Variants in ADGRG6 observed in about 807,000 individuals in gnomAD.
ADGRG6 encodes adhesion G protein-coupled receptor G6.
Under a neutral mutation model 142.4 loss-of-function variants are expected in ADGRG6, and 84 were observed. The observed-to-expected ratio is 0.59, with a 90% CI of 0.49 to 0.71. The LOEUF (loss-of-function observed/expected upper bound fraction) is 0.71. Among genes scored for constraint, ADGRG6 ranks in the 30% least tolerant of loss-of-function variants. ADGRG6 has a pLI of 0.00. For missense variants in ADGRG6, 1,367 were observed against 1,466.6 expected, an observed-to-expected ratio of 0.93 and a Z score of 1.11; for synonymous variants, 521 against 520.5, an observed-to-expected ratio of 1.00 and a Z score of -0.01.
chr6:142,302,273 G>T lies in ADGRG6; in HGVS notation c.-57G>T. On this transcript the variant is annotated 5_prime_UTR_variant, in exon 1 of 25. Coordinates refer to ENST00000367609, the MANE Select transcript of ADGRG6 (RefSeq NM_198569.3). ...GGGTGGAGCAGCGGCAGCAGAGCGG[G>T]AAAGTGGTGGAGGATGATCTTGCGG... is the stretch of plus-strand genomic sequence containing the variant. The T allele has an allele frequency of 6.2e-7, 1 of 1,603,964 alleles. No homozygotes were observed. Among genetic ancestry groups the T allele is most frequent in the Non-Finnish European group, 8.5e-7 (1 of 1,174,518 alleles).
intron 2 of ADGRG6, among the ~76,000 whole-genome samples, chr6:142,349,061 G>C (rs1780037807): frequency 6.6e-6 from 1 of 152,218 alleles, no homozygotes; most frequent in Non-Finnish European, 1.5e-5. Context: ...ATCCAATCTA[G>C]TTAGGTGGTG....
intron 2 of ADGRG6, among the ~76,000 whole-genome samples, chr6:142,365,068 T>A (rs1039623954): frequency 6.6e-6 from 1 of 152,180 alleles, no homozygotes; most frequent in African/African-American, 2.4e-5. Flanking sequence ...TTCCTTTATA[T>A]TTTTATTTTT....
At chr6:142,372,248 A>T (rs975290495) in intron 4 of ADGRG6, among the ~76,000 whole-genome samples, 6 of 152,230 alleles carry the variant, frequency 3.9e-5, no homozygotes, top group Admixed American at 3.9e-4. Context: ...ATCAACTTTA[A>T]ATGTCATATG....
At chr6:142,354,635 T>A (rs948132987) in intron 2 of ADGRG6, among the ~76,000 whole-genome samples, 14 of 152,170 alleles carry the variant, frequency 9.2e-5, no homozygotes, top group African/African-American at 3.4e-4. Context: ...ATGACTTAGT[T>A]TTATAGAAAA....
intron 22 of ADGRG6, among the ~76,000 whole-genome samples, chr6:142,425,756 C>T (rs1000373724): frequency 1.3e-5 from 2 of 152,058 alleles, no homozygotes; most frequent in African/African-American, 4.8e-5. Flanking sequence ...GGGCAATTTA[C>T]AAAACAAAGA....
At chr6:142,428,686 G>A (rs1777071195) in intron 22 of ADGRG6, among the ~76,000 whole-genome samples, 2 of 152,064 alleles carry the variant, frequency 1.3e-5, no homozygotes, top group African/African-American at 4.8e-5. Context: ...ATTTATAAAA[G>A]CATTAAATCT....
intron 2 of ADGRG6, among the ~76,000 whole-genome samples, chr6:142,363,699 C>T (rs1395688412): frequency 6.6e-6 from 1 of 152,090 alleles, no homozygotes. Context: ...TCAGTGGCTA[C>T]TTCAGTAACC....
At chr6:142,357,310 A>G (rs976638248) in intron 2 of ADGRG6, among the ~76,000 whole-genome samples, 6 of 152,178 alleles carry the variant, frequency 3.9e-5, no homozygotes, top group Non-Finnish European at 7.3e-5. Context: ...AAAAGCTAAC[A>G]TTTTATAAAT....
intron 2 of ADGRG6, among the ~76,000 whole-genome samples, chr6:142,360,679 GAC>G (rs1780669139): frequency 6.6e-6 from 1 of 151,946 alleles, no homozygotes; most frequent in South Asian, 2.1e-4. Context: ...TTTTTATTGA[GAC>G]ACAGTTTCGC....
At chr6:142,320,054 T>A (rs983295252) in intron 2 of ADGRG6, among the ~76,000 whole-genome samples, 7 of 152,096 alleles carry the variant, frequency 4.6e-5, no homozygotes, top group Non-Finnish European at 7.4e-5. Context: ...AAATTAGATT[T>A]GAAATCTAAT....
In ADGRG6 at chr6:142,414,975, C is replaced by T. The variant is rs1424044476; in HGVS notation, c.2548C>T (p.Pro850Ser). Residue 850 changes from proline (P) to serine (S), a missense_variant, in exon 19 of 25, where the codon CCA (proline) becomes TCA (serine). Coordinates refer to ENST00000367609, the MANE Select transcript of ADGRG6 (RefSeq NM_198569.3). ...FTHFGVLMDL[P>S]RSASQLDARN... Reference sequence around the variant, plus strand: ...CTCGCCATGTTTTATGTAGGACCTTCCAAGAAGTGCCTCACAGTTAGATGC... The same window carrying T: ...CTCGCCATGTTTTATGTAGGACCTTTCAAGAAGTGCCTCACAGTTAGATGC... 6.2e-7 allele frequency: 1 copy of T among 1,610,722 alleles called. No homozygotes were observed. The highest frequency in any genetic ancestry group is 1.3e-5 in the African/African-American group (1 of 74,838).
chr6:142,302,204 A>G lies in ADGRG6; in HGVS notation c.-126A>G. ...GAACTCTCCAGAAACGGCGTAAAGG[A>G]GGGTCCCGCCGCGGCGCAGGGCTGG... is the stretch of plus-strand genomic sequence containing the variant. On this transcript the variant is annotated 5_prime_UTR_variant, in exon 1 of 25. Transcript: ENST00000367609. 2 of 1,049,192 alleles carry G rather than the reference A, an allele frequency of 1.9e-6. No homozygotes were observed. The allele number at this position is 1,049,192 out of a possible 1,614,324, so 65.0% of individuals were successfully genotyped here.
At position 142,368,899 on chromosome 6, in the gene ADGRG6, G is replaced by A. The variant is rs76827187; in HGVS notation, c.445+989G>A. 7.6e-3 allele frequency among the ~76,000 whole-genome samples: 1,159 copies of A among 152,180 alleles called. 13 individuals are homozygous for A. The highest frequency in any genetic ancestry group is 0.027 in the African/African-American group (1,105 of 41,536). On this transcript the variant is annotated intron_variant, in intron 3 of 24. Coordinates refer to ENST00000367609, the MANE Select transcript of ADGRG6 (RefSeq NM_198569.3). ...CAGCCATAACCACTAATAAAATGTT[G>A]ATGGAGATATTTATTTCTAGGCTTT... is the stretch of plus-strand genomic sequence containing the variant.
At position 142,406,105 on chromosome 6, in the gene ADGRG6, G is replaced by A. The variant is rs1262417594; in HGVS notation, c.2268+277G>A. 9.9e-5 allele frequency among the ~76,000 whole-genome samples: 15 copies of A among 151,574 alleles called. No individual in the cohort carries two copies. In the East Asian group the frequency reaches 1.4e-3, roughly 14 times the overall value. ...AAATTGAATTAGTGAAGAAATGACC[G>A]TTTATTATTACTTTTATTAAATATT... On this transcript the variant is annotated intron_variant, in intron 15 of 24. Coordinates refer to ENST00000367609, the MANE Select transcript of ADGRG6 (RefSeq NM_198569.3).
intron 2 of ADGRG6, among the ~76,000 whole-genome samples, chr6:142,359,862 G>T (rs897304766): frequency 2.6e-5 from 4 of 152,130 alleles, no homozygotes; most frequent in African/African-American, 9.7e-5. Context: ...TTGTCTTGTT[G>T]GATCCCAGAG....
intron 22 of ADGRG6, among the ~76,000 whole-genome samples, chr6:142,431,558 C>A (rs1324084110): frequency 6.6e-6 from 1 of 152,132 alleles, no homozygotes; most frequent in Non-Finnish European, 1.5e-5. Flanking sequence ...CCAGTCACAT[C>A]TTAATGCTCT....
chr6:142,377,813 A>G (rs527248721), intron 4 of ADGRG6, among the ~76,000 whole-genome samples: 1 of 152,314 alleles, frequency 6.6e-6, no homozygotes, highest in Non-Finnish European at 1.5e-5. Context: ...TATACTTTTG[A>G]TAGTTCATGT....
chr6:142,370,963 G>A (rs752603991), intron 4 of ADGRG6, 170 bp downstream of exon 4: 13 of 672,202 alleles, frequency 1.9e-5, no homozygotes, highest in South Asian at 7.9e-5. Context: ...TTAAAATGTC[G>A]TCTGCTCAGC....
At chr6:142,374,778 A>C (rs1417098342) in intron 4 of ADGRG6, among the ~76,000 whole-genome samples, 1 of 152,168 alleles carries the variant, frequency 6.6e-6, no homozygotes, top group African/African-American at 2.4e-5. Flanking sequence ...AATTATTTTA[A>C]ATTATTTTAA....
Sources: gnomAD v4.1 joint callset for allele counts (sites outside exome capture counted in the v4.1 genomes callset) on GRCh38, gnomAD v4.1.1 for gene constraint, MANE v1.5 for transcripts, NCBI Gene and HGNC (gene_info 2026-07-23, HGNC 2026-07-21) for gene names.